SLC14A2: variants seen among roughly 807,000 people sequenced by gnomAD.
SLC14A2 encodes the protein solute carrier family 14 member 2, also known as urea transporter 2.
Under a neutral mutation model 104.6 loss-of-function variants are expected in SLC14A2, and 91 were observed. The observed-to-expected ratio is 0.87, with a 90% CI of 0.73 to 1.04. The LOEUF (loss-of-function observed/expected upper bound fraction) is 1.04. Ranked by LOEUF, SLC14A2 falls within the 50% of genes least tolerant of loss-of-function variation. SLC14A2 has a pLI of 0.00. For synonymous variants in SLC14A2, 476 were observed against 466.4 expected, an observed-to-expected ratio of 1.02 and a Z score of -0.27; for missense variants, 1,189 against 1,156.0, an observed-to-expected ratio of 1.03 and a Z score of -0.41.
intron 1 of SLC14A2, among the ~76,000 whole-genome samples, chr18:45,427,702 T>C (rs1192351934): frequency 2.6e-5 from 4 of 152,132 alleles, no homozygotes; most frequent in Non-Finnish European, 5.9e-5. Context: ...CCAGGGCTCT[T>C]GTGAGAATTA....
At chr18:45,610,743 T>A (rs559084110), upstream of SLC14A2, among the ~76,000 whole-genome samples, 14 of 152,182 alleles carry the variant, frequency 9.2e-5, no homozygotes, top group Non-Finnish European at 1.8e-4. Flanking sequence ...ACTGGTCTAG[T>A]GTGGCCACAC....
chr18:45,359,676 A>G (rs2085591170), intron 1 of SLC14A2, among the ~76,000 whole-genome samples: 1 of 152,304 alleles, frequency 6.6e-6, no homozygotes, highest in East Asian at 1.9e-4. Flanking sequence ...CTGTGTGCAG[A>G]GGGGGAGCAT....
the SLC14A2 span, among the ~76,000 whole-genome samples, chr18:45,176,650 C>T: frequency 2.6e-5 from 4 of 152,300 alleles, no homozygotes; most frequent in South Asian, 8.3e-4. Flanking sequence ...ATTACTCCTT[C>T]CAGAAGCCCC....
At chr18:45,302,995 T>C (rs2084983096) in intron 1 of SLC14A2, among the ~76,000 whole-genome samples, 1 of 151,826 alleles carries the variant, frequency 6.6e-6, no homozygotes, top group South Asian at 2.1e-4. Context: ...TTGTGGTTGA[T>C]CAAGGAAATT....
At chr18:45,475,999 T>C (rs2144683494) in intron 1 of SLC14A2, among the ~76,000 whole-genome samples, 2 of 152,284 alleles carry the variant, frequency 1.3e-5, no homozygotes, top group Middle Eastern at 6.8e-3. Flanking sequence ...AATATCGTTA[T>C]GTGTGAATTT....
intron 2 of SLC14A2, among the ~76,000 whole-genome samples, chr18:45,603,255 T>C (rs2044817716): frequency 6.6e-6 from 1 of 152,202 alleles, no homozygotes; most frequent in South Asian, 2.1e-4. Context: ...AGCAATTTTG[T>C]GCTTTGAAGA....
chr18:45,627,790 A>C (rs1308148436), intron 4 of SLC14A2, among the ~76,000 whole-genome samples: 1 of 152,166 alleles, frequency 6.6e-6, no homozygotes, highest in Non-Finnish European at 1.5e-5. Flanking sequence ...CAGGCAGATC[A>C]CTTGAGGCCA....
intron 8 of SLC14A2, among the ~76,000 whole-genome samples, chr18:45,642,115 C>G (rs117925057): frequency 0.023 from 3,550 of 152,310 alleles, 74 homozygotes; most frequent in South Asian, 0.062. Context: ...AGCTTGCCAC[C>G]AGCTCTCCTC....
chr18:45,369,264 T>C lies in SLC14A2; in HGVS notation c.-124-113969T>C, dbSNP rs2085697773. 2.0e-5 allele frequency among the ~76,000 whole-genome samples: 3 copies of C among 152,206 alleles called. No individual in the cohort carries two copies. In the South Asian group the frequency reaches 6.2e-4, roughly 32 times the overall value. The stretch of plus-strand genomic sequence containing the variant: ...GAAGGAAATTCCACATCCATCTTTC[T>C]TTTCCCATATCTTTCTACCTATGCA... On this transcript the variant is annotated intron_variant, in intron 1 of 20. Coordinates refer to the SLC14A2 transcript ENST00000586448.
At position 45,334,040 on chromosome 18, in the gene SLC14A2, GGGACTATTTCT is replaced by G. The variant is rs372660860; in HGVS notation, c.-125+120852_-125+120862del. ...GTGGAAACTAATAATTTAAGGTAAA[GGGACTATTTCT>G]GGCATCCTATTTGTTCAGCATCCTA... On this transcript the variant is annotated intron_variant, in intron 1 of 20. Transcript: ENST00000586448. 4.6e-5 allele frequency among the ~76,000 whole-genome samples: 7 copies of G among 152,260 alleles called. No individual in the cohort carries two copies. The East Asian group carries it at 1.3e-3, about 29-fold the overall frequency.
chr18:45,633,899 G>A (rs1013556541), intron 5 of SLC14A2, among the ~76,000 whole-genome samples: 2 of 152,164 alleles, frequency 1.3e-5, no homozygotes, highest in Non-Finnish European at 1.5e-5. Flanking sequence ...GGGACAAAAA[G>A]CCAAGACAGT....
intron 15 of SLC14A2, 117 bp downstream of exon 15, chr18:45,668,594 A>G (rs1204768638): frequency 6.1e-6 from 7 of 1,140,690 alleles, no homozygotes; most frequent in African/African-American, 1.5e-5. Flanking sequence ...TAGCTTGCAC[A>G]TCAGAAATGT....
chr18:45,414,757 A>AAAAATATATATATATATATATATATAT (rs1360051908), intron 1 of SLC14A2, among the ~76,000 whole-genome samples: 3 of 76,110 alleles, frequency 3.9e-5, no homozygotes, highest in Admixed American at 1.7e-4. Flanking sequence ...AAAAAAAAAA[A>AAAAATATATATATATATATATATATAT]ATATATATAT....
At chr18:45,357,575 A>G (rs2085568222) in intron 1 of SLC14A2, among the ~76,000 whole-genome samples, 1 of 152,160 alleles carries the variant, frequency 6.6e-6, no homozygotes, top group Non-Finnish European at 1.5e-5. Context: ...CCTGTCTCAA[A>G]GAAATAAAAA....
At chr18:45,654,842 C>A (rs2045805152) in intron 10 of SLC14A2, among the ~76,000 whole-genome samples, 1 of 152,188 alleles carries the variant, frequency 6.6e-6, no homozygotes, top group Non-Finnish European at 1.5e-5. Context: ...GATGAGCCTT[C>A]TCGTTATTTG....
chr18:45,388,495 A>G (rs1274420968), intron 1 of SLC14A2, among the ~76,000 whole-genome samples: 2 of 152,148 alleles, frequency 1.3e-5, no homozygotes, highest in African/African-American at 4.8e-5. Context: ...GTTGGATAGC[A>G]TCTTCCATTC....
intron 1 of SLC14A2, among the ~76,000 whole-genome samples, chr18:45,331,047 T>A (rs1227803467): frequency 6.6e-6 from 1 of 152,244 alleles, no homozygotes; most frequent in Non-Finnish European, 1.5e-5. Context: ...GTAAAATTGT[T>A]GATATTTTTG....
intron 2 of SLC14A2, 150 bp downstream of exon 2, chr18:45,624,964 C>A: frequency 1.4e-6 from 1 of 728,068 alleles, no homozygotes; most frequent in Non-Finnish European, 2.2e-6. Flanking sequence ...GTGGGTCCTA[C>A]CTGGCCTTAG....
At chr18:45,456,441 G>T (rs2086944950) in intron 1 of SLC14A2, among the ~76,000 whole-genome samples, 1 of 152,306 alleles carries the variant, frequency 6.6e-6, no homozygotes, top group South Asian at 2.1e-4. Context: ...CTCCCTGAAG[G>T]CAGGAGTCCA....
Sources: gnomAD v4.1 joint callset for allele counts (sites outside exome capture counted in the v4.1 genomes callset) on GRCh38, gnomAD v4.1.1 for gene constraint, MANE v1.5 for transcripts, NCBI Gene and HGNC (gene_info 2026-07-23, HGNC 2026-07-21) for gene names.